The following SLC37A1 variants were observed in gnomAD, a reference collection of about 807,000 sequenced individuals.
SLC37A1 encodes solute carrier family 37 member 1.
A neutral mutation model predicts 75.3 loss-of-function variants in SLC37A1; 49 were observed. That is an observed-to-expected ratio of 0.65 (90% CI 0.52 to 0.83). The LOEUF (loss-of-function observed/expected upper bound fraction) is 0.83. SLC37A1 is among the 40% of genes least tolerant of loss of function. The pLI is 0.00. For synonymous variants in SLC37A1, 268 were observed against 292.1 expected (o/e 0.92, Z 0.84); for missense variants, 566 against 695.0 (o/e 0.81, Z 2.09).
chr21:42,564,975 C>A (rs1486829314), intron 14 of SLC37A1, among the ~76,000 whole-genome samples, 182 bp downstream of exon 14: 4 of 152,276 alleles, frequency 2.6e-5, no homozygotes, highest in Non-Finnish European at 5.9e-5. Context: ...CACCAGGCTC[C>A]CTCTGCCACG....
chr21:42,525,754 C>T (rs1245650385), intron 2 of SLC37A1, 22 bp from the exon 3 acceptor site: 1 of 1,566,186 alleles, frequency 6.4e-7, no homozygotes, highest in Admixed American at 1.7e-5. Context: ...ATATCATCCT[C>T]TCCCACTGTT....
At chr21:42,528,618 G>A (rs960183259) in intron 3 of SLC37A1, among the ~76,000 whole-genome samples, 1 of 152,154 alleles carries the variant, frequency 6.6e-6, no homozygotes, top group Non-Finnish European at 1.5e-5. Context: ...CTGAGGTCAG[G>A]AGTTCAAGAC....
In SLC37A1 at chr21:42,542,384, T is replaced by C; in HGVS notation, c.487-20T>C. ...GGCCTGCTTCCCACAGGTCAGTCTC[T>C]CCTTTGGCCTCTCCTGCAGGTCATC... On this transcript the variant is annotated intron_variant, in intron 6 of 19. Transcript: ENST00000352133. 6.2e-7 allele frequency: 1 copy of C among 1,611,826 alleles called. No homozygotes were observed. Among genetic ancestry groups the C allele is most frequent in the South Asian group, 1.1e-5 (1 of 90,706 alleles).
chr21:42,507,990 A>G (rs1177880457), intron 2 of SLC37A1, among the ~76,000 whole-genome samples: 1 of 151,132 alleles, frequency 6.6e-6, no homozygotes, highest in Non-Finnish European at 1.5e-5. Context: ...CTCCCATCAG[A>G]CAGTGTTTGT....
At chr21:42,541,268 T>C (rs1569008836) in intron 6 of SLC37A1, among the ~76,000 whole-genome samples, 2 of 152,344 alleles carry the variant, frequency 1.3e-5, no homozygotes, top group South Asian at 2.1e-4. Context: ...CCTCCTGCTG[T>C]GTGGCCCGGT....
intron 1 of SLC37A1, among the ~76,000 whole-genome samples, chr21:42,517,092 C>A (rs2054534797): frequency 6.6e-6 from 1 of 152,212 alleles, no homozygotes; most frequent in African/African-American, 2.4e-5. Flanking sequence ...CAGTCCCGGG[C>A]CTTCCTCTTT....
upstream of SLC37A1, among the ~76,000 whole-genome samples, chr21:42,512,996 C>T (rs547616520): frequency 1.1e-3 from 162 of 152,334 alleles, no homozygotes; most frequent in Non-Finnish European, 1.6e-3. Flanking sequence ...ACAGCCAGGC[C>T]TCGGGTTGGT....
At chr21:42,531,189 A>G (rs1285387562) in intron 3 of SLC37A1, among the ~76,000 whole-genome samples, 1 of 152,030 alleles carries the variant, frequency 6.6e-6, no homozygotes, top group East Asian at 1.9e-4. Context: ...CCTTCCCCGC[A>G]CACTCGTCGC....
chr21:42,530,080 T>C (rs148974520), intron 3 of SLC37A1, among the ~76,000 whole-genome samples: 12 of 152,188 alleles, frequency 7.9e-5, no homozygotes, highest in Non-Finnish European at 1.3e-4. Context: ...GGGAACCTAA[T>C]AAGTAGGTAA....
chr21:42,524,690 AG>A (rs2054735492), intron 2 of SLC37A1, among the ~76,000 whole-genome samples: 1 of 152,244 alleles, frequency 6.6e-6, no homozygotes, highest in African/African-American at 2.4e-5. Flanking sequence ...TGTAAACTCA[AG>A]TGTGCATCTC....
chr21:42,543,489 T>G lies in SLC37A1; in HGVS notation c.617T>G (p.Leu206Trp). 6.2e-7 allele frequency: 1 copy of G among 1,614,188 alleles called. No homozygotes were observed. Among genetic ancestry groups the G allele is most frequent in the Non-Finnish European group, 8.5e-7 (1 of 1,180,014 alleles). Reference sequence around the variant, plus strand: ...TCCCACACCTCCGTGGGCAACATCTTGGGGTCATTGATCGCTGGCTACTGG... The same window carrying G: ...TCCCACACCTCCGTGGGCAACATCTGGGGGTCATTGATCGCTGGCTACTGG... ...WNSHTSVGNI[L>W]GSLIAGYWVS... The change falls in exon 8 of 20, where the codon TTG becomes TGG. Residue 206 changes from leucine to tryptophan, a missense_variant. Transcript: ENST00000352133.
intron 9 of SLC37A1, among the ~76,000 whole-genome samples, chr21:42,553,487 A>G (rs1035855476): frequency 1.2e-4 from 18 of 152,202 alleles, no homozygotes; most frequent in African/African-American, 4.3e-4. Flanking sequence ...TGGTACCTTT[A>G]TTCTAGTGCC....
At chr21:42,575,929 G>A (rs1281549051) in intron 18 of SLC37A1, 3 of 985,176 alleles carry the variant, frequency 3.0e-6, no homozygotes, top group Non-Finnish European at 3.6e-6. Context: ...CTAAGTAGCA[G>A]TAAAATTCCT....
At chr21:42,560,948 C>T (rs1397039556) in intron 11 of SLC37A1, among the ~76,000 whole-genome samples, 2 of 152,144 alleles carry the variant, frequency 1.3e-5, no homozygotes, top group African/African-American at 4.8e-5. Flanking sequence ...AGTGTTCAGG[C>T]AAGTGTGGCA....
chr21:42,579,964 C>A (rs1260062355), intron 19 of SLC37A1, among the ~76,000 whole-genome samples, 164 bp downstream of exon 19: 4 of 152,210 alleles, frequency 2.6e-5, no homozygotes, highest in East Asian at 3.9e-4. Context: ...CTAATAAATA[C>A]CTCTGGATGG....
At chr21:42,579,515 G>A (rs2056372218) in intron 18 of SLC37A1, among the ~76,000 whole-genome samples, 1 of 152,010 alleles carries the variant, frequency 6.6e-6, no homozygotes, top group African/African-American at 2.4e-5. Context: ...GCCTTCATCA[G>A]ACAGCCCTGC....
chr21:42,547,393 G>A lies in SLC37A1; in HGVS notation c.768+253G>A. 2.3e-6 allele frequency: 1 copy of A among 441,758 alleles called. No homozygotes were observed. The highest frequency in any genetic ancestry group is 4.1e-6 in the Non-Finnish European group (1 of 246,438). The allele number at this position is 441,758 out of a possible 1,614,324, so 27.4% of individuals were successfully genotyped here. ...GGACTTCATGCTAAGGGGAACCAAA[G>A]GCTGGGCCCTGGCCAGGCCTCCTCA... is the stretch of plus-strand genomic sequence containing the variant. On this transcript the variant is annotated intron_variant, in intron 9 of 19. Coordinates refer to ENST00000352133, the MANE Select transcript of SLC37A1 (RefSeq NM_001320537.2). This position sits in a 1 kb window ranked among gnomAD's most constrained non-coding sequence, Gnocchi z 6.1.
chr21:42,568,366 C>G lies in SLC37A1; in HGVS notation c.1351C>G (p.His451Asp). The change falls in exon 17 of 20, where the codon CAT becomes GAT. Residue 451 changes from histidine to aspartate, a missense_variant. By Grantham distance (81) the His-to-Asp change is moderately conservative. Transcript: ENST00000352133. ...TGTTTTTCCTCTCTTCTAGGGGACT[C>G]ATAAAAGTCTGAAAGGCAACGCGCA... ...TTAVSADLGTHKSLKGNAHAL... is the reference protein window; with the variant it reads ...TTAVSADLGTDKSLKGNAHAL... 1 of 1,613,980 alleles carries G rather than the reference C, an allele frequency of 6.2e-7. No homozygotes were observed. The highest frequency in any genetic ancestry group is 8.5e-7 in the Non-Finnish European group (1 of 1,179,926).
At chr21:42,539,481 T>C in intron 5 of SLC37A1, 31 bp from the exon 6 acceptor site, 1 of 1,591,706 alleles carries the variant, frequency 6.3e-7, no homozygotes, top group Non-Finnish European at 8.6e-7. Flanking sequence ...TGTTTGTTAT[T>C]CCTATTTGTC....
Sources: gnomAD v4.1 joint callset for allele counts (sites outside exome capture counted in the v4.1 genomes callset) on GRCh38, gnomAD v4.1.1 for gene constraint, Gnocchi (gnomAD v3.1) non-coding constraint, MANE v1.5 for transcripts, NCBI Gene and HGNC (gene_info 2026-07-23, HGNC 2026-07-21) for gene names.